The following BMPR2 variants were observed in gnomAD, a reference collection of about 807,000 sequenced individuals.
BMPR2 encodes the protein bone morphogenetic protein receptor type-2.
BMPR2 carries 29 observed loss-of-function variants against 100.8 expected under a neutral mutation model. The ratio of observed to expected loss-of-function variants is 0.29; its 90% CI spans 0.21 to 0.39. The LOEUF (loss-of-function observed/expected upper bound fraction) is 0.39, where lower values mean the gene tolerates loss of function less well. Among genes scored for constraint, BMPR2 ranks in the 10% least tolerant of loss-of-function variants. The pLI is 1.00. For missense variants in BMPR2, 1,011 were observed against 1,274.5 expected, an observed-to-expected ratio of 0.79 and a Z score of 3.15; for synonymous variants, 382 against 442.3, an observed-to-expected ratio of 0.86 and a Z score of 1.71.
At chr2:202,444,735 C>T (rs967463773) in intron 1 of BMPR2, among the ~76,000 whole-genome samples, 1 of 150,752 alleles carries the variant, frequency 6.6e-6, no homozygotes, top group Non-Finnish European at 1.5e-5. Context: ...GTGTATCTTA[C>T]ATTTTTTAAT....
At chr2:202,397,139 A>G (rs992882460) in intron 1 of BMPR2, among the ~76,000 whole-genome samples, 2 of 152,170 alleles carry the variant, frequency 1.3e-5, no homozygotes, top group Non-Finnish European at 2.9e-5. Context: ...CTCCAGTATA[A>G]TAAAGTTGGG....
chr2:202,510,011 T>G (rs545923355), intron 3 of BMPR2, among the ~76,000 whole-genome samples: 74 of 152,322 alleles, frequency 4.9e-4, no homozygotes, highest in African/African-American at 1.5e-3. Context: ...TTTACTTGAA[T>G]TACACAAGAA....
At chr2:202,393,598 G>A (rs1690595113) in intron 1 of BMPR2, among the ~76,000 whole-genome samples, 1 of 152,126 alleles carries the variant, frequency 6.6e-6, no homozygotes, top group Non-Finnish European at 1.5e-5. Context: ...GCCCAGTCTA[G>A]ACAGTAGTTT....
At chr2:202,545,769 A>G (rs555939324) in intron 10 of BMPR2, among the ~76,000 whole-genome samples, 12 of 152,226 alleles carry the variant, frequency 7.9e-5, no homozygotes, top group South Asian at 2.1e-4. Context: ...TAAGGAGCCT[A>G]TTGTCAAGCA....
intron 12 of BMPR2, among the ~76,000 whole-genome samples, chr2:202,557,903 C>T (rs777930931): frequency 4.6e-5 from 7 of 152,034 alleles, no homozygotes; most frequent in Non-Finnish European, 8.8e-5. Context: ...TAATGTTATA[C>T]CAGTATAATC....
At chr2:202,524,569 C>G (rs1687874412) in intron 7 of BMPR2, among the ~76,000 whole-genome samples, 1 of 151,702 alleles carries the variant, frequency 6.6e-6, no homozygotes, top group African/African-American at 2.4e-5. Context: ...GCAGAGAGCC[C>G]AAGAGTTCAA....
rs117491174 is a variant in BMPR2, at chr2:202,541,086, A to G, written c.1277-1225A>G. ...TATTGGCAATGAATAGGGTTATTAA[A>G]TAGTGATAAAATAGTTAATAATATT... On this transcript the variant is annotated intron_variant, in intron 9 of 12. Coordinates refer to ENST00000374580, the MANE Select transcript of BMPR2 (RefSeq NM_001204.7). 1.4e-4 allele frequency among the ~76,000 whole-genome samples: 21 copies of G among 152,330 alleles called. 1 individual carries two copies. In the East Asian group the frequency reaches 4.0e-3, roughly 29 times the overall value.
At chr2:202,529,828 A>G (rs1308049913) in intron 7 of BMPR2, among the ~76,000 whole-genome samples, 1 of 152,186 alleles carries the variant, frequency 6.6e-6, no homozygotes, top group Non-Finnish European at 1.5e-5. Flanking sequence ...GTGCCAAAAT[A>G]CAAATCCTCA....
chr2:202,524,612 G>C (rs1452475151), intron 7 of BMPR2, among the ~76,000 whole-genome samples: 2 of 151,864 alleles, frequency 1.3e-5, no homozygotes, highest in Non-Finnish European at 2.9e-5. Context: ...CTCTGCAATA[G>C]CCAGGCATAG....
chr2:202,465,874 A>G (rs1692310745), intron 2 of BMPR2, among the ~76,000 whole-genome samples: 1 of 152,202 alleles, frequency 6.6e-6, no homozygotes, highest in Non-Finnish European at 1.5e-5. Context: ...AATTAGGAAC[A>G]TACTGTATAA....
At chr2:202,523,365 C>T (rs1022552540) in intron 7 of BMPR2, among the ~76,000 whole-genome samples, 2 of 152,186 alleles carry the variant, frequency 1.3e-5, no homozygotes, top group African/African-American at 4.8e-5. Context: ...TTTGACCCAG[C>T]AATCCTATTA....
chr2:202,499,341 C>T (rs1204370202), intron 3 of BMPR2, among the ~76,000 whole-genome samples: 1 of 152,136 alleles, frequency 6.6e-6, no homozygotes, highest in Non-Finnish European at 1.5e-5. Flanking sequence ...TTTGGAGATA[C>T]CTGGTATCTT....
chr2:202,414,761 A>G (rs1490848947), intron 1 of BMPR2, among the ~76,000 whole-genome samples: 2 of 151,980 alleles, frequency 1.3e-5, no homozygotes, highest in African/African-American at 2.4e-5. Context: ...TCTTTTGGAG[A>G]CAGAGTCTCC....
At chr2:202,504,455 C>T (rs1574482001) in intron 3 of BMPR2, among the ~76,000 whole-genome samples, 1 of 151,824 alleles carries the variant, frequency 6.6e-6, no homozygotes, top group South Asian at 2.1e-4. Flanking sequence ...CCTGAGCCAG[C>T]GAGACCACAA....
At chr2:202,455,626 C>T (rs1018836315) in intron 1 of BMPR2, among the ~76,000 whole-genome samples, 1 of 152,054 alleles carries the variant, frequency 6.6e-6, no homozygotes, top group Admixed American at 6.6e-5. Context: ...ATAATGAACT[C>T]CTTTAAGAAG....
chr2:202,413,526 A>G (rs1691057236), intron 1 of BMPR2, among the ~76,000 whole-genome samples: 1 of 152,204 alleles, frequency 6.6e-6, no homozygotes, highest in African/African-American at 2.4e-5. Flanking sequence ...TTTCTCCTAG[A>G]AGCAATGGTT....
intron 10 of BMPR2, among the ~76,000 whole-genome samples, chr2:202,550,280 G>A (rs1319571786): frequency 4.6e-5 from 7 of 151,806 alleles, no homozygotes; most frequent in African/African-American, 1.7e-4. Context: ...GGCTGAGGCG[G>A]GAGAATGGCA....
rs754688935 is a variant in BMPR2, at chr2:202,464,816, G to A, written c.84G>A (p.Gln28=). 7 of 1,610,644 alleles carry A rather than the reference G, an allele frequency of 4.3e-6. No individual in the cohort carries two copies. Among genetic ancestry groups the A allele is most frequent in the African/African-American group, 1.3e-5 (1 of 74,804 alleles). The change falls in exon 2 of 13, where the codon CAG becomes CAA. Residue 28 remains glutamine (Q), a synonymous_variant. Transcript: ENST00000374580. ...ILLVSTAAAS[Q]NQERLCAFKD... ...TTATTTCCTTTATTTTAGCTTCGCA[G>A]AATCAAGAACGGCTATGTGCGTTTA...
chr2:202,441,546 AAAAAAACAAC>A (rs1691744119), intron 1 of BMPR2, among the ~76,000 whole-genome samples: 1 of 146,476 alleles, frequency 6.8e-6, no homozygotes, highest in Non-Finnish European at 1.5e-5. Context: ...CTACTAAAAA[AAAAAAACAAC>A]AAAAAACAAA....
Sources: gnomAD v4.1 joint callset for allele counts (sites outside exome capture counted in the v4.1 genomes callset) on GRCh38, gnomAD v4.1.1 for gene constraint, MANE v1.5 for transcripts, NCBI Gene and HGNC (gene_info 2026-07-23, HGNC 2026-07-21) for gene names.